FCHSD2: variants seen among roughly 807,000 people sequenced by gnomAD.
The protein encoded by FCHSD2 is FCH and double SH3 domains 2, also known as F-BAR and double SH3 domains protein 2.
A neutral mutation model predicts 108.1 loss-of-function variants in FCHSD2; 38 were observed. That is an observed-to-expected ratio of 0.35 (90% CI 0.27 to 0.46). The LOEUF is 0.46. FCHSD2 is among the 20% of genes least tolerant of loss of function. The pLI is 1.00. For missense variants in FCHSD2, 751 were observed against 897.8 expected, an observed-to-expected ratio of 0.84 and a Z score of 2.09; for synonymous variants, 279 against 314.7, an observed-to-expected ratio of 0.89 and a Z score of 1.20.
chr11:73,125,293 T>C (rs555060784), intron 2 of FCHSD2, among the ~76,000 whole-genome samples: 94 of 152,376 alleles, frequency 6.2e-4, no homozygotes, highest in East Asian at 1.7e-3. Flanking sequence ...ACTAACATTA[T>C]ATTACGAGGT....
chr11:73,093,405 G>A (rs1327016890), intron 2 of FCHSD2, among the ~76,000 whole-genome samples: 1 of 152,126 alleles, frequency 6.6e-6, no homozygotes, highest in African/African-American at 2.4e-5. Flanking sequence ...AAGTAAAGGT[G>A]GTCTTGGAGA....
intron 5 of FCHSD2, among the ~76,000 whole-genome samples, chr11:72,999,354 C>T (rs1401634659): frequency 7.3e-6 from 1 of 137,120 alleles, no homozygotes. Flanking sequence ...GAGTCTCACT[C>T]TGTCACCCAG....
chr11:72,887,308 TC>T (rs1369919692), intron 12 of FCHSD2, among the ~76,000 whole-genome samples, 161 bp downstream of exon 12: 3 of 152,154 alleles, frequency 2.0e-5, no homozygotes, highest in Non-Finnish European at 2.9e-5. Flanking sequence ...TGTACTGCCT[TC>T]CACAGAGCAG....
At chr11:72,864,476 T>C (rs1278474752) in intron 13 of FCHSD2, among the ~76,000 whole-genome samples, 1 of 152,084 alleles carries the variant, frequency 6.6e-6, no homozygotes, top group East Asian at 1.9e-4. Flanking sequence ...GCCCCAAAGG[T>C]TGAGACTGCA....
At chr11:73,085,211 G>A (rs1859787273) in intron 2 of FCHSD2, among the ~76,000 whole-genome samples, 3 of 152,100 alleles carry the variant, frequency 2.0e-5, no homozygotes, top group South Asian at 2.1e-4. Flanking sequence ...ACAATAAAAC[G>A]AAGACTAAGA....
intron 8 of FCHSD2, among the ~76,000 whole-genome samples, chr11:72,967,984 A>G (rs779949862): frequency 2.0e-4 from 31 of 151,720 alleles, no homozygotes; most frequent in Non-Finnish European, 3.2e-4. Flanking sequence ...CCAGCTACTC[A>G]GGAGGCTGAG....
At chr11:72,859,776 G>T (rs891862130) in intron 13 of FCHSD2, among the ~76,000 whole-genome samples, 2 of 152,150 alleles carry the variant, frequency 1.3e-5, no homozygotes, top group Non-Finnish European at 2.9e-5. Flanking sequence ...AGGGCTAGAA[G>T]CACTAAAAAG....
chr11:73,117,000 T>A (rs1396447374), intron 2 of FCHSD2, among the ~76,000 whole-genome samples: 3 of 152,202 alleles, frequency 2.0e-5, no homozygotes, highest in Admixed American at 6.5e-5. Context: ...AGCATATTGA[T>A]TTTTATTACT....
intron 10 of FCHSD2, among the ~76,000 whole-genome samples, chr11:72,897,841 ATCC>A (rs1855453610): frequency 6.6e-6 from 1 of 152,198 alleles, no homozygotes; most frequent in South Asian, 2.1e-4. Context: ...CACATTCCAT[ATCC>A]TCCTCAGAAA....
Position 72,983,744 on chromosome 11 carries a change from C to T in FCHSD2, c.705+344G>A. On this transcript the variant is annotated intron_variant, in intron 8 of 19. Coordinates refer to ENST00000409418, the MANE Select transcript of FCHSD2 (RefSeq NM_014824.3). Reference sequence around the variant, plus strand: ...TTTATTGAAACCATGACATGAGTCTCATAAAATAGCTCAGAAGTAGTTTCC... The same window carrying T: ...TTTATTGAAACCATGACATGAGTCTTATAAAATAGCTCAGAAGTAGTTTCC... 4 of 441,358 alleles carry T rather than the reference C, an allele frequency of 9.1e-6. No individual in the cohort carries two copies. In the East Asian group the frequency reaches 2.1e-4, roughly 23 times the overall value. 27.3% of individuals were successfully genotyped at this position (441,358 alleles called of 1,614,324 possible). A position where few individuals can be genotyped will look rare whatever the true frequency, so the allele number is the denominator to read the frequency against.
chr11:72,864,585 T>C (rs1415398315), intron 13 of FCHSD2, among the ~76,000 whole-genome samples: 2 of 150,324 alleles, frequency 1.3e-5, no homozygotes, highest in Admixed American at 6.7e-5. Context: ...ACCATAAATA[T>C]ATACAATTGT....
chr11:73,127,330 A>G (rs1189794684), intron 2 of FCHSD2, among the ~76,000 whole-genome samples: 1 of 152,222 alleles, frequency 6.6e-6, no homozygotes, highest in Non-Finnish European at 1.5e-5. Context: ...CGATCAAGGA[A>G]TATTGAAAGG....
chr11:72,984,196 C>T lies in FCHSD2; in HGVS notation c.597G>A (p.Glu199=), dbSNP rs752480914. 6.8e-6 allele frequency: 11 copies of T among 1,613,878 alleles called. No homozygotes were observed. The highest frequency in any genetic ancestry group is 3.3e-4 in the Middle Eastern group (2 of 6,062). Residue 199 remains glutamate (E), a synonymous_variant, in exon 8 of 20, where the codon GAG becomes GAA. Transcript: ENST00000409418. ...TTGCGTGGGTAGCTTTGGAATTACACTCAGATCGCCGGGCTTTTAACTAAA... is the reference window on the plus strand; with the variant it reads ...TTGCGTGGGTAGCTTTGGAATTACATTCAGATCGCCGGGCTTTTAACTAAA... ...ASVKLKARRS[E]CNSKATHARN...
At chr11:73,135,544 T>C (rs1267398426) in intron 2 of FCHSD2, among the ~76,000 whole-genome samples, 1 of 152,138 alleles carries the variant, frequency 6.6e-6, no homozygotes, top group Non-Finnish European at 1.5e-5. Context: ...CAGACTCTAG[T>C]ATGTAGAAAC....
Position 72,942,394 on chromosome 11 carries a change from C to A in FCHSD2, c.706-20444G>T, listed in dbSNP as rs1039910476. Among the ~76,000 whole-genome samples the A allele has an allele frequency of 2.6e-5, 4 of 152,186 alleles. No homozygotes were observed. The East Asian group carries it at 7.7e-4, about 29-fold the overall frequency. On this transcript the variant is annotated intron_variant, in intron 8 of 19. Transcript: ENST00000409418. ...AACCTCTTTTCTTTATATTACCCAG[C>A]CTTGTGTATTTCTTTAAACCAATGT...
At chr11:73,091,950 G>A (rs749959125) in intron 2 of FCHSD2, among the ~76,000 whole-genome samples, 4 of 151,800 alleles carry the variant, frequency 2.6e-5, no homozygotes, top group Non-Finnish European at 4.4e-5. Flanking sequence ...CAGGAGAATT[G>A]TTTGTACCGG....
chr11:73,023,909 T>G (rs1476844412), intron 3 of FCHSD2, among the ~76,000 whole-genome samples: 1 of 152,164 alleles, frequency 6.6e-6, no homozygotes, highest in East Asian at 1.9e-4. Context: ...ATTAAAAAGG[T>G]TACACACTGT....
Position 73,140,049 on chromosome 11 carries a change from T to C in FCHSD2, c.101A>G (p.Asp34Gly). 1 of 1,539,704 alleles carries C rather than the reference T, an allele frequency of 6.5e-7. No individual in the cohort carries two copies. The highest frequency in any genetic ancestry group is 8.8e-7 in the Non-Finnish European group (1 of 1,139,606). Residue 34 changes from aspartate (D) to glycine (G), a missense_variant, in exon 2 of 20, where the codon GAT (aspartate) becomes GGT (glycine). Transcript: ENST00000409418. ...GCCTTACCTCATATCTTCAAGCAAA[T>C]CACATTCTGCTTGATGTTTGGCTTG... ...KLQAKHQAECDLLEDMRTFSQ... is the reference protein window; with the variant it reads ...KLQAKHQAECGLLEDMRTFSQ...
chr11:72,910,991 T>C (rs1467338871), intron 9 of FCHSD2, among the ~76,000 whole-genome samples: 3 of 152,218 alleles, frequency 2.0e-5, no homozygotes, highest in African/African-American at 7.2e-5. Flanking sequence ...AGAAACTTTT[T>C]AACTTGATGT....
Sources: gnomAD v4.1 joint callset for allele counts (sites outside exome capture counted in the v4.1 genomes callset) on GRCh38, gnomAD v4.1.1 for gene constraint, MANE v1.5 for transcripts, NCBI Gene and HGNC (gene_info 2026-07-23, HGNC 2026-07-21) for gene names.